NYAP2: variants seen among roughly 807,000 people sequenced by gnomAD.
NYAP2 encodes the protein neuronal tyrosine-phosphorylated phosphoinositide-3-kinase adapter 2.
NYAP2 carries 23 observed loss-of-function variants against 50.4 expected under a neutral mutation model. The observed-to-expected ratio is 0.46, with a 90% CI of 0.33 to 0.65. The LOEUF is 0.65. Ranked by LOEUF, NYAP2 falls within the 30% of genes least tolerant of loss-of-function variation. The pLI, the probability that NYAP2 is intolerant of heterozygous loss-of-function variation, is 0.02. For synonymous variants in NYAP2, 394 were observed against 365.2 expected, an observed-to-expected ratio of 1.08 and a Z score of -0.90; for missense variants, 885 against 861.0, an observed-to-expected ratio of 1.03 and a Z score of -0.35.
At chr2:225,665,799 C>T in the NYAP2 span, among the ~76,000 whole-genome samples, 1 of 74,594 alleles carries the variant, frequency 1.3e-5, no homozygotes, top group Admixed American at 2.0e-4. Flanking sequence ...ACAGAGCAAG[C>T]CTCCGTCTAA....
intron 3 of NYAP2, among the ~76,000 whole-genome samples, chr2:225,477,518 G>A (rs1007473060): frequency 2.0e-5 from 3 of 152,020 alleles, no homozygotes; most frequent in Non-Finnish European, 4.4e-5. Flanking sequence ...TTACAGGTGT[G>A]AGCCACCGTG....
chr2:225,689,280 A>AT, the NYAP2 span, among the ~76,000 whole-genome samples: 1 of 152,070 alleles, frequency 6.6e-6, no homozygotes, highest in Non-Finnish European at 1.5e-5. Context: ...ATTTGAAATG[A>AT]TTTTTCTTTA....
chr2:225,609,347 A>C (rs1309933982), intron 5 of NYAP2, among the ~76,000 whole-genome samples: 2 of 152,068 alleles, frequency 1.3e-5, no homozygotes, highest in Admixed American at 6.6e-5. Flanking sequence ...TAAGAGCATA[A>C]ATAGAGACCC....
intron 3 of NYAP2, among the ~76,000 whole-genome samples, chr2:225,426,994 T>C (rs1450141864): frequency 6.6e-6 from 1 of 152,102 alleles, no homozygotes; most frequent in Non-Finnish European, 1.5e-5. Context: ...AAAAGAAAAA[T>C]AAGACTAGTT....
At chr2:225,485,596 T>C (rs1690276138) in intron 3 of NYAP2, among the ~76,000 whole-genome samples, 1 of 152,106 alleles carries the variant, frequency 6.6e-6, no homozygotes, top group Non-Finnish European at 1.5e-5. Context: ...AGCCAGAGAT[T>C]ATTGGTGGGA....
chr2:225,659,293 T>C, the NYAP2 span, among the ~76,000 whole-genome samples: 1 of 152,164 alleles, frequency 6.6e-6, no homozygotes, highest in Non-Finnish European at 1.5e-5. Flanking sequence ...CAGCTTTCTT[T>C]ACCATCTGGA....
At chr2:225,632,245 T>A (rs1355736574) in intron 6 of NYAP2, among the ~76,000 whole-genome samples, 1 of 152,224 alleles carries the variant, frequency 6.6e-6, no homozygotes, top group Non-Finnish European at 1.5e-5. Flanking sequence ...CAGTATTAAC[T>A]GTTTCTCCTC....
At chr2:225,476,438 A>T (rs1690109738) in intron 3 of NYAP2, among the ~76,000 whole-genome samples, 1 of 151,930 alleles carries the variant, frequency 6.6e-6, no homozygotes, top group South Asian at 2.1e-4. Flanking sequence ...AAATTTACTT[A>T]AAAAATATGC....
At chr2:225,547,824 T>C (rs992782199) in intron 4 of NYAP2, among the ~76,000 whole-genome samples, 1 of 152,198 alleles carries the variant, frequency 6.6e-6, no homozygotes, top group African/African-American at 2.4e-5. Context: ...ATTTTGTGTG[T>C]AGACAGTTGT....
chr2:225,516,027 A>G (rs149741388), intron 4 of NYAP2, among the ~76,000 whole-genome samples: 273 of 152,320 alleles, frequency 1.8e-3, no homozygotes, highest in African/African-American at 6.2e-3. Context: ...AGAATACCTC[A>G]GAATACCTCA....
chr2:225,512,764 TTCTC>T (rs1411204676), intron 3 of NYAP2, among the ~76,000 whole-genome samples: 1 of 148,196 alleles, frequency 6.7e-6, no homozygotes, highest in Non-Finnish European at 1.5e-5. Context: ...TCTTCTTTCT[TTCTC>T]TTTTTCTCTT....
chr2:225,563,086 A>G (rs553264751), intron 4 of NYAP2, among the ~76,000 whole-genome samples: 6 of 152,122 alleles, frequency 3.9e-5, no homozygotes, highest in Admixed American at 6.6e-5. Context: ...AAAAGATTCT[A>G]ATTTTATTAT....
intron 4 of NYAP2, among the ~76,000 whole-genome samples, chr2:225,529,018 C>G (rs1375058660): frequency 6.6e-6 from 1 of 152,100 alleles, no homozygotes; most frequent in Non-Finnish European, 1.5e-5. Context: ...TTTTGTCTGG[C>G]CTCAAACCTA....
intron 5 of NYAP2, among the ~76,000 whole-genome samples, chr2:225,589,889 A>C (rs1425487674): frequency 6.6e-6 from 1 of 152,090 alleles, no homozygotes; most frequent in African/African-American, 2.4e-5. Context: ...GAATGAGAGA[A>C]TCCTCAGCCT....
chr2:225,585,498 T>C (rs1164696096), intron 5 of NYAP2, among the ~76,000 whole-genome samples: 1 of 152,256 alleles, frequency 6.6e-6, no homozygotes, highest in Non-Finnish European at 1.5e-5. Context: ...CTTTGTGTAC[T>C]TCTAAAACAA....
rs988877357 is a variant in NYAP2 at position 225,632,542 on chromosome 2, C to G, written c.1828+5416C>G. On this transcript the variant is annotated intron_variant, in intron 6 of 6. Transcript: ENST00000636099. ...AATTGCTGAAGTAAAGCAAATGTGT[C>G]AGGAGATCTCAATTCTAATTAACAT... is the stretch of plus-strand genomic sequence containing the variant. Among the ~76,000 whole-genome samples, 4 of 152,198 alleles carry G rather than the reference C, an allele frequency of 2.6e-5. No homozygotes were observed. In the South Asian group the frequency reaches 8.3e-4, roughly 32 times the overall value.
chr2:225,697,990 T>C, the NYAP2 span, among the ~76,000 whole-genome samples: 36 of 151,758 alleles, frequency 2.4e-4, no homozygotes, highest in East Asian at 2.7e-3. Flanking sequence ...CTGGGCAATA[T>C]AGAGAGACCT....
chr2:225,626,317 C>A (rs1427442938), intron 5 of NYAP2, among the ~76,000 whole-genome samples: 1 of 152,154 alleles, frequency 6.6e-6, no homozygotes, highest in African/African-American at 2.4e-5. Context: ...AGAAGCAGCA[C>A]AGTGGCTAAG....
At chr2:225,456,296 A>G (rs1401132468) in intron 3 of NYAP2, among the ~76,000 whole-genome samples, 1 of 152,060 alleles carries the variant, frequency 6.6e-6, no homozygotes, top group South Asian at 2.1e-4. Context: ...AGCTCCTCAT[A>G]TTGTCTTGGA....
Sources: allele counts gnomAD v4.1 joint callset (sites outside exome capture counted in the v4.1 genomes callset), GRCh38; gene constraint gnomAD v4.1.1; transcripts MANE v1.5; gene names NCBI Gene and HGNC (gene_info 2026-07-23, HGNC 2026-07-21).